CAMK1D: variants seen among roughly 807,000 people sequenced by gnomAD.
CAMK1D encodes calcium/calmodulin-dependent protein kinase type 1D.
In CAMK1D, 9 loss-of-function variants were observed where a neutral mutation model predicts 47.7. The observed-to-expected ratio is 0.19, with a 90% CI of 0.11 to 0.33. The LOEUF (loss-of-function observed/expected upper bound fraction) is 0.33, where lower values mean the gene tolerates loss of function less well. Among genes scored for constraint, CAMK1D ranks in the 10% least tolerant of loss-of-function variants. The probability of loss-of-function intolerance (pLI) is 1.00; values close to 1 mark genes in which losing one functional copy is unlikely to be tolerated. For synonymous variants in CAMK1D, 184 were observed against 184.9 expected (o/e 0.99, Z 0.04); for missense variants, 291 against 488.7 (o/e 0.60, Z 3.81).
chr10:12,449,042 G>A (rs996651755), intron 1 of CAMK1D, among the ~76,000 whole-genome samples: 2 of 152,172 alleles, frequency 1.3e-5, no homozygotes, highest in African/African-American at 4.8e-5. Flanking sequence ...GATTGTTATT[G>A]TATGATTCTA....
chr10:12,409,409 C>A (rs545703560), intron 1 of CAMK1D, among the ~76,000 whole-genome samples: 2 of 152,270 alleles, frequency 1.3e-5, no homozygotes, highest in African/African-American at 2.4e-5. Context: ...GTATGCTGTT[C>A]TAGACAGGGT....
intron 3 of CAMK1D, among the ~76,000 whole-genome samples, chr10:12,749,559 T>TTGTTG (rs1554820836): frequency 7.3e-6 from 1 of 136,966 alleles, no homozygotes; most frequent in East Asian, 2.1e-4. Context: ...TTTTTGTTTG[T>TTGTTG]TTGTTTGTTT....
chr10:12,824,596 G>A (rs767411075), intron 9 of CAMK1D, 44 bp downstream of exon 9: 13 of 1,458,028 alleles, frequency 8.9e-6, no homozygotes, highest in Middle Eastern at 1.7e-4. Context: ...TAACCCCCTC[G>A]TGACACTGGC....
chr10:12,828,292 C>G (rs2131135705), intron 10 of CAMK1D, among the ~76,000 whole-genome samples: 1 of 152,250 alleles, frequency 6.6e-6, no homozygotes, highest in Admixed American at 6.5e-5. Context: ...GCATTTTGAA[C>G]CCATTGCAAA....
chr10:12,390,358 A>C (rs905169887), intron 1 of CAMK1D, among the ~76,000 whole-genome samples: 3 of 152,168 alleles, frequency 2.0e-5, no homozygotes, highest in Non-Finnish European at 4.4e-5. Flanking sequence ...GGAACGAGCC[A>C]CTTTGCTCAA....
At chr10:12,383,712 A>C (rs1314785223) in intron 1 of CAMK1D, among the ~76,000 whole-genome samples, 1 of 152,224 alleles carries the variant, frequency 6.6e-6, no homozygotes, top group Non-Finnish European at 1.5e-5. Context: ...AACCTTTTAC[A>C]CAAATAGTTT....
chr10:12,553,087 C>T (rs1887394), intron 1 of CAMK1D, 138 bp from the exon 2 acceptor site: 5 of 1,492,258 alleles, frequency 3.4e-6, no homozygotes, highest in Non-Finnish European at 4.5e-6. Context: ...CAAGGAGCCA[C>T]GGTGGATAAA....
At chr10:12,697,852 G>C (rs1833358523) in intron 3 of CAMK1D, among the ~76,000 whole-genome samples, 1 of 152,220 alleles carries the variant, frequency 6.6e-6, no homozygotes, top group African/African-American at 2.4e-5. Context: ...TGTGGGCTGT[G>C]TCCATTTCAC....
chr10:12,402,260 A>G lies in CAMK1D; in HGVS notation c.92+52350A>G, dbSNP rs73587051. Among the ~76,000 whole-genome samples the G allele has an allele frequency of 7.1e-3, 1,075 of 151,862 alleles. 12 individuals are homozygous for G. Among genetic ancestry groups the G allele is most frequent in the African/African-American group, 0.024 (987 of 41,420 alleles). On this transcript the variant is annotated intron_variant, in intron 1 of 10. Transcript: ENST00000619168. ...CCTGACTGCCATTTTTTGAGACAGCATTTCAATCTGTTGCTCAGGCTGGAG... is the reference window on the plus strand; with the variant it reads ...CCTGACTGCCATTTTTTGAGACAGCGTTTCAATCTGTTGCTCAGGCTGGAG...
chr10:12,637,634 C>T (rs1209830156), intron 2 of CAMK1D, among the ~76,000 whole-genome samples: 9 of 35,264 alleles, frequency 2.6e-4, no homozygotes, highest in Non-Finnish European at 3.3e-4. Flanking sequence ...TTTGGGAGGG[C>T]GGGGGTGGGA....
At chr10:12,638,404 C>A (rs1055567779) in intron 2 of CAMK1D, among the ~76,000 whole-genome samples, 1 of 152,212 alleles carries the variant, frequency 6.6e-6, no homozygotes, top group Non-Finnish European at 1.5e-5. Flanking sequence ...CCTCACTAAA[C>A]CACCTGCTGT....
In CAMK1D at chr10:12,814,209, C is replaced by T; in HGVS notation, c.656C>T (p.Pro219Leu). The T allele has an allele frequency of 6.2e-7, 1 of 1,612,942 alleles. No homozygotes were observed. The highest frequency in any genetic ancestry group is 2.2e-5 in the East Asian group (1 of 44,882). The change falls in exon 7 of 11, where the codon CCT (proline) becomes CTT (leucine). Residue 219 changes from proline to leucine, a missense_variant. Pro to Leu is a moderately conservative substitution (Grantham distance 98). Transcript: ENST00000619168. ...TTGTCTCCTAGGCTCTGCGGCTACC[C>T]TCCTTTTTATGATGAAAATGACTCC... ...VIAYILLCGY[P>L]PFYDENDSKL...
At chr10:12,493,383 G>A (rs1834446300) in intron 1 of CAMK1D, among the ~76,000 whole-genome samples, 2 of 152,154 alleles carry the variant, frequency 1.3e-5, no homozygotes, top group Admixed American at 6.5e-5. Flanking sequence ...TTCCATGATC[G>A]CTGAGTCCAT....
At chr10:12,443,242 A>G (rs574735307) in intron 1 of CAMK1D, among the ~76,000 whole-genome samples, 2 of 152,324 alleles carry the variant, frequency 1.3e-5, no homozygotes, top group African/African-American at 4.8e-5. Context: ...AAATGTATTC[A>G]GTATTCATGG....
chr10:12,695,421 G>T, intron 3 of CAMK1D, among the ~76,000 whole-genome samples: 1 of 152,110 alleles, frequency 6.6e-6, no homozygotes, highest in East Asian at 1.9e-4. Flanking sequence ...GCCCTTCATA[G>T]GCCAGCTCCT....
chr10:12,746,074 G>A (rs936819483), intron 3 of CAMK1D, among the ~76,000 whole-genome samples: 6 of 152,136 alleles, frequency 3.9e-5, no homozygotes, highest in African/African-American at 1.2e-4. Flanking sequence ...TCCTGATGCC[G>A]ACTGTATTTG....
chr10:12,421,486 C>T (rs1392573727), intron 1 of CAMK1D, among the ~76,000 whole-genome samples: 3 of 136,412 alleles, frequency 2.2e-5, no homozygotes, highest in East Asian at 4.5e-4. Context: ...CTCCCTTGGT[C>T]ATGCTGGGCC....
At chr10:12,704,660 C>G (rs1180038514) in intron 3 of CAMK1D, among the ~76,000 whole-genome samples, 1 of 152,016 alleles carries the variant, frequency 6.6e-6, no homozygotes, top group Non-Finnish European at 1.5e-5. Context: ...AAAATGACAA[C>G]TGGGAATGAA....
intron 1 of CAMK1D, among the ~76,000 whole-genome samples, chr10:12,478,080 ACTGCAAGCT>A (rs200026502): frequency 0.022 from 3,058 of 137,478 alleles, 67 homozygotes; most frequent in South Asian, 0.087. Flanking sequence ...ATCTTGACTC[ACTGCAAGCT>A]CCGCCTCCCG....
Sources: allele counts gnomAD v4.1 joint callset (sites outside exome capture counted in the v4.1 genomes callset), GRCh38; gene constraint gnomAD v4.1.1; transcripts MANE v1.5; gene names NCBI Gene and HGNC (gene_info 2026-07-23, HGNC 2026-07-21).